Variants in SLC35F4 observed in about 807,000 individuals in gnomAD.
The protein encoded by SLC35F4 is chromosome 14 open reading frame 36.
A neutral mutation model predicts 44.2 loss-of-function variants in SLC35F4; 24 were observed. The ratio of observed to expected loss-of-function variants is 0.54; its 90% CI spans 0.39 to 0.76. SLC35F4 has a LOEUF of 0.76. Ranked by LOEUF, SLC35F4 falls within the 30% of genes least tolerant of loss-of-function variation. SLC35F4 has a pLI of 0.00. For missense variants in SLC35F4, 562 were observed against 586.1 expected, an observed-to-expected ratio of 0.96 and a Z score of 0.42; for synonymous variants, 238 against 223.6, an observed-to-expected ratio of 1.06 and a Z score of -0.57.
At chr14:57,791,951 C>T (rs2077930168) in intron 1 of SLC35F4, among the ~76,000 whole-genome samples, 1 of 147,656 alleles carries the variant, frequency 6.8e-6, no homozygotes, top group South Asian at 2.2e-4. Context: ...ACATCACACA[C>T]TGGGGCTTGT....
At chr14:57,901,755 T>C (rs1889004936) in intron 1 of SLC35F4, among the ~76,000 whole-genome samples, 1 of 152,204 alleles carries the variant, frequency 6.6e-6, no homozygotes, top group Non-Finnish European at 1.5e-5. Context: ...TGCTCCAATG[T>C]TAGAAAATGC....
intron 1 of SLC35F4, among the ~76,000 whole-genome samples, chr14:57,723,883 G>T (rs1203950216): frequency 6.6e-6 from 1 of 152,192 alleles, no homozygotes; most frequent in African/African-American, 2.4e-5. Flanking sequence ...CCTTATTGGT[G>T]AGACATTTGT....
At chr14:57,971,211 T>C (rs1240235349) in intron 1 of SLC35F4, among the ~76,000 whole-genome samples, 1 of 152,232 alleles carries the variant, frequency 6.6e-6, no homozygotes, top group Non-Finnish European at 1.5e-5. Context: ...CATAGGTTCT[T>C]CTAAAAATAC....
At chr14:57,590,125 C>G (rs1035990857) in intron 2 of SLC35F4, among the ~76,000 whole-genome samples, 5 of 146,412 alleles carry the variant, frequency 3.4e-5, no homozygotes, top group Non-Finnish European at 6.0e-5. Flanking sequence ...TGCTGTGACT[C>G]AGGCCTGTCA....
At chr14:57,775,989 A>G (rs2077479043) in intron 1 of SLC35F4, among the ~76,000 whole-genome samples, 1 of 152,242 alleles carries the variant, frequency 6.6e-6, no homozygotes, top group South Asian at 2.1e-4. Flanking sequence ...AACATGCTAC[A>G]AGAATTTCAT....
intron 1 of SLC35F4, among the ~76,000 whole-genome samples, chr14:57,688,727 GC>G (rs1448807661): frequency 6.6e-6 from 1 of 152,224 alleles, no homozygotes; most frequent in East Asian, 1.9e-4. Flanking sequence ...CTGCAGTCAA[GC>G]TTTCCCTGCT....
intron 1 of SLC35F4, among the ~76,000 whole-genome samples, chr14:57,911,142 T>A (rs1361460400): frequency 1.3e-5 from 2 of 152,070 alleles, no homozygotes; most frequent in Non-Finnish European, 2.9e-5. Context: ...TTTGCTATAA[T>A]TGCTTATAAG....
chr14:57,845,629 A>G (rs1482022856), intron 1 of SLC35F4, among the ~76,000 whole-genome samples: 1 of 152,238 alleles, frequency 6.6e-6, no homozygotes, highest in Non-Finnish European at 1.5e-5. Flanking sequence ...GTTAAGTTTT[A>G]GCATAAGCTG....
At chr14:57,968,637 G>C (rs1880961182) in intron 1 of SLC35F4, among the ~76,000 whole-genome samples, 1 of 152,306 alleles carries the variant, frequency 6.6e-6, no homozygotes, top group African/African-American at 2.4e-5. Flanking sequence ...CAGACTCTCA[G>C]ATTCACCCCT....
intron 1 of SLC35F4, among the ~76,000 whole-genome samples, chr14:57,776,902 C>A (rs2077503347): frequency 1.3e-5 from 2 of 152,182 alleles, no homozygotes; most frequent in Middle Eastern, 6.8e-3. Context: ...CAAGCAAATG[C>A]CGAGGGTCTC....
intron 1 of SLC35F4, among the ~76,000 whole-genome samples, chr14:57,939,289 C>CA (rs1889873178): frequency 6.6e-6 from 1 of 152,020 alleles, no homozygotes; most frequent in African/African-American, 2.4e-5. Flanking sequence ...GGGCTGAGGC[C>CA]AAATAAGGGT....
chr14:57,976,168 C>T (rs1054975065), downstream of SLC35F4, among the ~76,000 whole-genome samples: 2 of 152,172 alleles, frequency 1.3e-5, no homozygotes, highest in Non-Finnish European at 2.9e-5. Flanking sequence ...GAACCTACAG[C>T]AACAACACCA....
intron 1 of SLC35F4, among the ~76,000 whole-genome samples, chr14:57,722,109 G>T (rs2076100158): frequency 6.6e-6 from 1 of 152,196 alleles, no homozygotes; most frequent in African/African-American, 2.4e-5. Context: ...GGAGAGCAGG[G>T]ATGGGAATGG....
intron 1 of SLC35F4, among the ~76,000 whole-genome samples, chr14:57,676,079 T>C (rs530488216): frequency 6.6e-6 from 1 of 152,182 alleles, no homozygotes; most frequent in Admixed American, 6.5e-5. Flanking sequence ...GACAAAGGAC[T>C]ACTATGCAGA....
At chr14:57,760,089 C>CA (rs1484432696) in intron 1 of SLC35F4, among the ~76,000 whole-genome samples, 1 of 151,738 alleles carries the variant, frequency 6.6e-6, no homozygotes, top group Non-Finnish European at 1.5e-5. Context: ...GTGTGATATC[C>CA]AAAAAATCAT....
At chr14:57,648,908 A>G (rs913672076) in intron 1 of SLC35F4, among the ~76,000 whole-genome samples, 3 of 152,114 alleles carry the variant, frequency 2.0e-5, no homozygotes, top group African/African-American at 7.2e-5. Flanking sequence ...CTGTATTTCT[A>G]TTTACTAAAT....
intron 1 of SLC35F4, among the ~76,000 whole-genome samples, chr14:57,967,005 A>C (rs1243304805): frequency 6.6e-6 from 1 of 151,738 alleles, no homozygotes; most frequent in Non-Finnish European, 1.5e-5. Flanking sequence ...GCAAGACTCC[A>C]TCTCAAAAAA....
intron 1 of SLC35F4, among the ~76,000 whole-genome samples, chr14:57,958,162 G>A (rs768929332): frequency 9.9e-5 from 15 of 151,888 alleles, no homozygotes; most frequent in East Asian, 3.9e-4. Context: ...GGTTCACGCC[G>A]TTCTCCTGCC....
intron 3 of SLC35F4, among the ~76,000 whole-genome samples, chr14:57,584,517 GACAATTTTACCTCTCAT>G (rs1313106435): frequency 6.6e-6 from 1 of 152,152 alleles, no homozygotes; most frequent in Admixed American, 6.5e-5. Flanking sequence ...AGAATTGTCT[GACAATTTTACCTCTCAT>G]ATGGAGGAGG....
Sources: allele counts gnomAD v4.1 joint callset (sites outside exome capture counted in the v4.1 genomes callset), GRCh38; gene constraint gnomAD v4.1.1; transcripts MANE v1.5; gene names NCBI Gene and HGNC (gene_info 2026-07-23, HGNC 2026-07-21).